The following TENM2 variants were observed in gnomAD, a reference collection of about 807,000 sequenced individuals.
TENM2 encodes the protein teneurin-2.
TENM2 carries 52 observed loss-of-function variants against 245.2 expected under a neutral mutation model. The ratio of observed to expected loss-of-function variants is 0.21; its 90% confidence interval spans 0.17 to 0.27. The LOEUF (loss-of-function observed/expected upper bound fraction) is 0.27. Ranked by LOEUF, TENM2 falls within the 10% of genes least tolerant of loss-of-function variation. The pLI, the probability that TENM2 is intolerant of heterozygous loss-of-function variation, is 1.00. For missense variants in TENM2, 3,046 were observed against 3,666.8 expected (o/e 0.83, Z 4.37); for synonymous variants, 1,363 against 1,438.9 (o/e 0.95, Z 1.19).
At chr5:167,676,966 T>C (rs1020604931) in intron 2 of TENM2, among the ~76,000 whole-genome samples, 1 of 152,094 alleles carries the variant, frequency 6.6e-6, no homozygotes, top group African/African-American at 2.4e-5. Context: ...CTGCTGTCTA[T>C]AGGTAATTCT....
intron 2 of TENM2, among the ~76,000 whole-genome samples, chr5:167,611,601 T>C (rs961753947): frequency 6.6e-6 from 1 of 152,182 alleles, no homozygotes; most frequent in African/African-American, 2.4e-5. Context: ...GATTAAATGA[T>C]GGCTTAGTCT....
In TENM2 at chr5:167,539,895, C is replaced by T. The variant is rs553785764; in HGVS notation, c.502+164422C>T. 1.3e-4 allele frequency among the ~76,000 whole-genome samples: 20 copies of T among 152,218 alleles called. No homozygotes were observed. The East Asian group carries it at 3.7e-3, about 28-fold the overall frequency. ...CTATCTTTCTAGACCCTATTCATTT[C>T]AGCTTCAAAATGTTTTTTCATTTCA... On this transcript the variant is annotated intron_variant, in intron 2 of 28. Transcript: ENST00000518659.
intron 2 of TENM2, among the ~76,000 whole-genome samples, chr5:167,510,652 A>G (rs1161235217): frequency 3.9e-5 from 6 of 152,058 alleles, no homozygotes; most frequent in Non-Finnish European, 5.9e-5. Flanking sequence ...AAGGAAGGAA[A>G]GAAAGAGAAA....
intron 12 of TENM2, among the ~76,000 whole-genome samples, chr5:168,146,880 G>A (rs1165058497): frequency 2.6e-5 from 4 of 152,224 alleles, no homozygotes; most frequent in African/African-American, 9.6e-5. Flanking sequence ...GTTGCAATGG[G>A]GTTCTGGGGA....
At chr5:168,097,550 A>C (rs562518025) in intron 8 of TENM2, among the ~76,000 whole-genome samples, 23 of 152,132 alleles carry the variant, frequency 1.5e-4, no homozygotes, top group Admixed American at 1.3e-3. Context: ...TCAGCCTCCC[A>C]AGTAACTGGG....
intron 5 of TENM2, among the ~76,000 whole-genome samples, chr5:168,024,240 G>A (rs188435456): frequency 6.6e-5 from 10 of 152,190 alleles, no homozygotes; most frequent in Admixed American, 2.0e-4. Flanking sequence ...TTAGCCTTCC[G>A]ATTGTCGCAC....
intron 2 of TENM2, among the ~76,000 whole-genome samples, chr5:167,463,753 C>G (rs1319145538): frequency 1.3e-5 from 2 of 152,158 alleles, no homozygotes; most frequent in Admixed American, 6.5e-5. Flanking sequence ...GCTTCGGCCC[C>G]CCAGACTGTT....
intron 2 of TENM2, among the ~76,000 whole-genome samples, chr5:167,832,352 G>A (rs1358754392): frequency 1.3e-5 from 2 of 152,200 alleles, no homozygotes; most frequent in Non-Finnish European, 2.9e-5. Context: ...GTGCACACAC[G>A]CATGCTCACA....
At chr5:167,065,896 G>A in the TENM2 span, among the ~76,000 whole-genome samples, 2 of 152,148 alleles carry the variant, frequency 1.3e-5, no homozygotes, top group African/African-American at 4.8e-5. Flanking sequence ...TTCTTTTGTA[G>A]TTGTACTGTA....
At chr5:168,024,763 G>C (rs753228651) in intron 5 of TENM2, among the ~76,000 whole-genome samples, 1 of 152,180 alleles carries the variant, frequency 6.6e-6, no homozygotes, top group East Asian at 1.9e-4. Flanking sequence ...CACTGCCAGG[G>C]CCCACTCGCC....
At chr5:167,606,507 T>A (rs980711163) in intron 2 of TENM2, among the ~76,000 whole-genome samples, 2 of 152,096 alleles carry the variant, frequency 1.3e-5, no homozygotes, top group African/African-American at 4.8e-5. Flanking sequence ...CATCTAAACC[T>A]GATCACCTCA....
At chr5:167,143,105 T>G in the TENM2 span, among the ~76,000 whole-genome samples, 2 of 152,222 alleles carry the variant, frequency 1.3e-5, no homozygotes, top group Non-Finnish European at 2.9e-5. Context: ...AATGTTGTTA[T>G]CTGCATCATC....
At chr5:167,080,853 T>G in the TENM2 span, among the ~76,000 whole-genome samples, 1 of 152,108 alleles carries the variant, frequency 6.6e-6, no homozygotes, top group Non-Finnish European at 1.5e-5. Flanking sequence ...ATAGTTATAT[T>G]AAAAATGTAC....
chr5:167,851,282 GT>G (rs1391279354), intron 2 of TENM2, among the ~76,000 whole-genome samples: 1 of 152,110 alleles, frequency 6.6e-6, no homozygotes, highest in Non-Finnish European at 1.5e-5. Flanking sequence ...CTGCAATGGA[GT>G]TTTTTGCCTT....
At chr5:167,276,369 T>C in the TENM2 span, among the ~76,000 whole-genome samples, 4 of 148,070 alleles carry the variant, frequency 2.7e-5, no homozygotes, top group African/African-American at 7.6e-5. Flanking sequence ...TGTGTGTGTG[T>C]GTGTGTGTGT....
At chr5:168,020,729 T>A (rs1181377244) in intron 5 of TENM2, among the ~76,000 whole-genome samples, 1 of 152,218 alleles carries the variant, frequency 6.6e-6, no homozygotes, top group Non-Finnish European at 1.5e-5. Flanking sequence ...TAAGATACAG[T>A]GTGTCTTTGG....
At chr5:167,155,664 A>G in the TENM2 span, among the ~76,000 whole-genome samples, 403 of 152,336 alleles carry the variant, frequency 2.6e-3, no homozygotes, top group Middle Eastern at 0.017. Context: ...AGGTTTCCCC[A>G]ATTAAGTACT....
chr5:168,208,775 T>A (rs1304140398), intron 19 of TENM2, among the ~76,000 whole-genome samples: 2 of 152,250 alleles, frequency 1.3e-5, no homozygotes, highest in African/African-American at 4.8e-5. Context: ...AGAACCCAGA[T>A]TTTATGAAGC....
chr5:167,432,096 C>G (rs1764290440), intron 2 of TENM2, among the ~76,000 whole-genome samples: 1 of 150,886 alleles, frequency 6.6e-6, no homozygotes, highest in Non-Finnish European at 1.5e-5. Flanking sequence ...GTAAAAACCC[C>G]CCTGGAAACA....
Sources: gnomAD v4.1 joint callset for allele counts (sites outside exome capture counted in the v4.1 genomes callset) on GRCh38, gnomAD v4.1.1 for gene constraint, MANE v1.5 for transcripts, NCBI Gene and HGNC (gene_info 2026-07-23, HGNC 2026-07-21) for gene names.